RILPL1: variants seen among roughly 807,000 people sequenced by gnomAD.
RILPL1 encodes RILP-like protein 1.
Under a neutral mutation model 50.3 loss-of-function variants are expected in RILPL1, and 33 were observed. That is an observed-to-expected ratio of 0.66 (90% CI 0.50 to 0.88). The LOEUF is 0.88. Among genes scored for constraint, RILPL1 ranks in the 40% least tolerant of loss-of-function variants. The pLI is 0.00. For synonymous variants in RILPL1, 205 were observed against 228.6 expected, an observed-to-expected ratio of 0.90 and a Z score of 0.93; for missense variants, 418 against 542.5, an observed-to-expected ratio of 0.77 and a Z score of 2.28.
At chr12:123,488,536 C>G (rs1380616973) in intron 4 of RILPL1, among the ~76,000 whole-genome samples, 2 of 151,936 alleles carry the variant, frequency 1.3e-5, no homozygotes, top group African/African-American at 4.8e-5. Flanking sequence ...GTGCCCTGGA[C>G]AGGAGGCTGA....
intron 4 of RILPL1, among the ~76,000 whole-genome samples, chr12:123,493,346 T>C (rs1223074423): frequency 6.6e-6 from 1 of 152,190 alleles, no homozygotes; most frequent in Non-Finnish European, 1.5e-5. Context: ...TCCCCACTAT[T>C]GTCTTGTGAC....
chr12:123,485,544 T>C lies in RILPL1; in HGVS notation c.974+89A>G, dbSNP rs953474479. 18 of 1,254,006 alleles carry C rather than the reference T, an allele frequency of 1.4e-5. No individual in the cohort carries two copies. In the African/African-American group the frequency reaches 2.6e-4, roughly 18 times the overall value. The allele number at this position is 1,254,006 out of a possible 1,614,324, so 77.7% of individuals were successfully genotyped here. A position where few individuals can be genotyped will look rare whatever the true frequency, so the allele number is the denominator to read the frequency against. ...AAAAAACACTGATGAAATGCTTGTC[T>C]TCCAGGGGGTAAGAAGGTAACTGTA... On this transcript the variant is annotated intron_variant, in intron 5 of 6. Transcript: ENST00000376874. This position sits in a 1 kb window ranked among gnomAD's most constrained non-coding sequence, Gnocchi z 4.0.
In RILPL1 at chr12:123,517,417, T is replaced by G. The variant is rs1884765903; in HGVS notation, c.460+6078A>C. ...CAGAGAGAGGGCACAGCAATTTTGT[T>G]GTTATTGTTTTTTTTTTTTTTTTTT... On this transcript the variant is annotated intron_variant, in intron 2 of 6. Transcript: ENST00000376874. Among the ~76,000 whole-genome samples the G allele has an allele frequency of 2.1e-5, 3 of 143,416 alleles. 1 individual carries two copies. The highest frequency in any genetic ancestry group is 4.4e-4 in the South Asian group (2 of 4,574). The allele number at this position is 143,416 out of a possible 152,430, so 94.1% of individuals were successfully genotyped here.
rs763323214 is a variant in RILPL1 at position 123,484,164 on chromosome 12, G to A, written c.1067+16C>T. 21 of 1,575,828 alleles carry A rather than the reference G, an allele frequency of 1.3e-5. No individual in the cohort carries two copies. The highest frequency in any genetic ancestry group is 1.7e-5 in the Non-Finnish European group (19 of 1,148,420). The stretch of plus-strand genomic sequence containing the variant: ...CCAGGTCAGCCGAGCGCAGAAGCTG[G>A]CAGCGCATCACTTACAGTCGCTTGA... On this transcript the variant is annotated intron_variant, in intron 6 of 6. Transcript: ENST00000376874.
intron 2 of RILPL1, among the ~76,000 whole-genome samples, chr12:123,520,928 G>T (rs13302918): frequency 0.16 from 24,474 of 152,156 alleles, 2,096 homozygotes; most frequent in Middle Eastern, 0.24. Flanking sequence ...TAACCACAGG[G>T]TCTCCAGCAG....
At position 123,499,464 on chromosome 12, in the gene RILPL1, C is replaced by T; in HGVS notation, c.533G>A (p.Arg178His). The T allele has an allele frequency of 3.7e-6, 6 of 1,613,944 alleles. No homozygotes were observed. The highest frequency in any genetic ancestry group is 5.1e-6 in the Non-Finnish European group (6 of 1,179,880). ...CAGGCCCAGCTCCCTGTCCTTGGCG[C>T]GGATCTCGTCGCGTTGTTTGTCCAC... ...EVVDKQRDEIRAKDRELGLKN... is the reference protein window; with the variant it reads ...EVVDKQRDEIHAKDRELGLKN... Residue 178 changes from arginine (R) to histidine (H), a missense_variant, in exon 3 of 7, where the codon CGC becomes CAC. By Grantham distance (29) the Arg-to-His change is conservative. Coordinates refer to ENST00000376874, the MANE Select transcript of RILPL1 (RefSeq NM_178314.5).
intron 4 of RILPL1, among the ~76,000 whole-genome samples, chr12:123,490,617 C>A (rs1882629627): frequency 6.6e-6 from 1 of 151,712 alleles, no homozygotes. Context: ...ATTTATATTT[C>A]ATTAGAGATG....
chr12:123,510,978 TG>T (rs1884109074), intron 2 of RILPL1, among the ~76,000 whole-genome samples: 1 of 129,212 alleles, frequency 7.7e-6, no homozygotes, highest in African/African-American at 3.4e-5. Context: ...TGTGTGTGTG[TG>T]GTGTGTGTGA....
intron 6 of RILPL1, among the ~76,000 whole-genome samples, chr12:123,477,411 T>TCACTG (rs1881674175): frequency 6.8e-6 from 1 of 147,178 alleles, no homozygotes; most frequent in African/African-American, 2.5e-5. Context: ...CAATCTCTGC[T>TCACTG]CACTGCAACC....
chr12:123,521,762 C>T (rs1469950614), intron 2 of RILPL1, among the ~76,000 whole-genome samples: 1 of 142,334 alleles, frequency 7.0e-6, no homozygotes, highest in African/African-American at 2.6e-5. Flanking sequence ...TATATACACA[C>T]ATATATGTGT....
rs9697674 is a variant in RILPL1 at position 123,485,823 on chromosome 12, G to A, written c.802-18C>T. ...GGCTCCGTCTGGAGGAGGCAGAGATGCTGCTAATGAATTCTTGGCAGCCAC... is the reference window on the plus strand; with the variant it reads ...GGCTCCGTCTGGAGGAGGCAGAGATACTGCTAATGAATTCTTGGCAGCCAC... On this transcript the variant is annotated intron_variant, in intron 4 of 6. Coordinates refer to ENST00000376874, the MANE Select transcript of RILPL1 (RefSeq NM_178314.5). The surrounding 1 kb of genome is among the most constrained non-coding windows in gnomAD (Gnocchi z 4.0). 21,395 of 1,585,468 alleles carry A rather than the reference G, an allele frequency of 0.013. 1,577 individuals are homozygous for A. In the African/African-American group the frequency reaches 0.2, roughly 15 times the overall value.
chr12:123,512,073 CTGTG>C (rs147119898), intron 2 of RILPL1, among the ~76,000 whole-genome samples: 14,202 of 60,168 alleles, frequency 0.24, 1,194 homozygotes, highest in Non-Finnish European at 0.27. Context: ...TGTGTGAGGT[CTGTG>C]TGTGTGTGGT....
chr12:123,475,645 AACAC>A (rs1294126725), intron 6 of RILPL1: 9 of 1,552,128 alleles, frequency 5.8e-6, no homozygotes, highest in African/African-American at 5.4e-5. Context: ...CAAAACCCAA[AACAC>A]ACACAGTGCC....
At chr12:123,508,375 C>T (rs1037305914) in intron 2 of RILPL1, among the ~76,000 whole-genome samples, 18 of 151,946 alleles carry the variant, frequency 1.2e-4, no homozygotes, top group African/African-American at 3.4e-4. Flanking sequence ...GCCTGGGCAA[C>T]AGAGAGAGAC....
At chr12:123,478,863 G>T (rs1881776898) in intron 6 of RILPL1, among the ~76,000 whole-genome samples, 1 of 152,238 alleles carries the variant, frequency 6.6e-6, no homozygotes, top group South Asian at 2.1e-4. Context: ...TGGGGACGAG[G>T]CTGAAGTCAC....
At position 123,485,591 on chromosome 12, in the gene RILPL1, G is replaced by T. The variant is rs769323981; in HGVS notation, c.974+42C>A. On this transcript the variant is annotated intron_variant, in intron 5 of 6. Coordinates refer to ENST00000376874, the MANE Select transcript of RILPL1 (RefSeq NM_178314.5). The surrounding 1 kb of genome is among the most constrained non-coding windows in gnomAD (Gnocchi z 4.0). ...TGTACAGAAACTCTGGCTAACCTCA[G>T]TAAGGAGCCAGCTCGGGCCATCCAG... 1.9e-6 allele frequency: 3 copies of T among 1,591,572 alleles called. No homozygotes were observed. Among genetic ancestry groups the T allele is most frequent in the Non-Finnish European group, 2.6e-6 (3 of 1,166,162 alleles).
intron 2 of RILPL1, among the ~76,000 whole-genome samples, chr12:123,511,537 AGGTCTGTGTGAGGTCTGTGTGTGT>A (rs1884205492): frequency 1.4e-5 from 1 of 71,016 alleles, no homozygotes. Context: ...GGTGTGTGTG[AGGTCTGTGTGAGGTCTGTGTGTGT>A]GGTATGTGTG....
At chr12:123,526,328 T>TAATAAAATA (rs772738211) in intron 1 of RILPL1, among the ~76,000 whole-genome samples, 1 of 130,214 alleles carries the variant, frequency 7.7e-6, no homozygotes, top group Non-Finnish European at 1.7e-5. Flanking sequence ...TAAAATAAAA[T>TAATAAAATA]AAATAAAAAA....
At chr12:123,515,723 TAC>T (rs1054093946) in intron 2 of RILPL1, among the ~76,000 whole-genome samples, 1 of 150,286 alleles carries the variant, frequency 6.7e-6, no homozygotes, top group African/African-American at 2.4e-5. Flanking sequence ...GTGTTGGGAT[TAC>T]AGGTGTGAGC....
Sources: gnomAD v4.1 joint callset for allele counts (sites outside exome capture counted in the v4.1 genomes callset) on GRCh38, gnomAD v4.1.1 for gene constraint, Gnocchi (gnomAD v3.1) non-coding constraint, MANE v1.5 for transcripts, NCBI Gene and HGNC (gene_info 2026-07-23, HGNC 2026-07-21) for gene names.